The following OSBPL1A variants were observed in gnomAD, a reference collection of about 807,000 sequenced individuals.
The protein encoded by OSBPL1A is oxysterol binding protein like 1A.
OSBPL1A carries 80 observed loss-of-function variants against 137.1 expected under a neutral mutation model. That is an observed-to-expected ratio of 0.58 (90% CI 0.49 to 0.70). The LOEUF is 0.70. Among genes scored for constraint, OSBPL1A ranks in the 30% least tolerant of loss-of-function variants. OSBPL1A has a pLI of 0.00. For synonymous variants in OSBPL1A, 365 were observed against 389.7 expected, an observed-to-expected ratio of 0.94 and a Z score of 0.75; for missense variants, 970 against 1,129.4, an observed-to-expected ratio of 0.86 and a Z score of 2.02.
intron 14 of OSBPL1A, among the ~76,000 whole-genome samples, chr18:24,290,200 C>CATAA (rs552965674): frequency 4.4e-4 from 67 of 152,156 alleles, no homozygotes; most frequent in African/African-American, 1.6e-3. Context: ...AATCACAATC[C>CATAA]ATAAAGACAC....
chr18:24,202,522 C>T (rs1327764820), intron 17 of OSBPL1A, among the ~76,000 whole-genome samples: 1 of 152,156 alleles, frequency 6.6e-6, no homozygotes, highest in African/African-American at 2.4e-5. Flanking sequence ...GATAACTTAT[C>T]CCAAGTCTAA....
At chr18:24,355,032 G>T (rs1457204830) in intron 4 of OSBPL1A, among the ~76,000 whole-genome samples, 1 of 152,092 alleles carries the variant, frequency 6.6e-6, no homozygotes, top group Non-Finnish European at 1.5e-5. Flanking sequence ...GTGAACTCAG[G>T]TCCACAGTGG....
intron 15 of OSBPL1A, among the ~76,000 whole-genome samples, chr18:24,278,354 A>C (rs1427069824): frequency 2.0e-5 from 3 of 152,256 alleles, no homozygotes; most frequent in Admixed American, 1.3e-4. Context: ...AGATACTATC[A>C]GAAAAGAGAG....
intron 2 of OSBPL1A, among the ~76,000 whole-genome samples, chr18:24,374,246 C>T (rs147407258): frequency 3.9e-5 from 6 of 152,298 alleles, no homozygotes; most frequent in African/African-American, 1.2e-4. Context: ...CCTCAGATCA[C>T]AGTTTCTTCC....
intron 21 of OSBPL1A, among the ~76,000 whole-genome samples, chr18:24,174,489 AT>A (rs2086372833): frequency 6.6e-6 from 1 of 152,232 alleles, no homozygotes; most frequent in Non-Finnish European, 1.5e-5. Context: ...TGGATTTGAG[AT>A]GCTAAACCAG....
chr18:24,207,094 A>T (rs578165112), intron 17 of OSBPL1A, among the ~76,000 whole-genome samples: 1 of 152,198 alleles, frequency 6.6e-6, no homozygotes, highest in African/African-American at 2.4e-5. Flanking sequence ...TATGAAGAAC[A>T]CAACAATCAT....
intron 7 of OSBPL1A, among the ~76,000 whole-genome samples, chr18:24,327,111 C>T (rs1011359431): frequency 1.2e-4 from 17 of 136,998 alleles, no homozygotes; most frequent in Non-Finnish European, 1.6e-4. Flanking sequence ...TTTCTTTTTT[C>T]TTTTTTTTTT....
At chr18:24,366,805 T>A in intron 4 of OSBPL1A, 87 bp downstream of exon 4, 1 of 1,317,508 alleles carries the variant, frequency 7.6e-7, no homozygotes, top group Non-Finnish European at 1.0e-6. Flanking sequence ...CTTCGGTTGC[T>A]GGTCAGATGG....
At chr18:24,169,615 C>T (rs908873545) in intron 24 of OSBPL1A, among the ~76,000 whole-genome samples, 3 of 152,196 alleles carry the variant, frequency 2.0e-5, no homozygotes, top group Non-Finnish European at 2.9e-5. Context: ...TGCTCATCAC[C>T]GGTGGGGCTA....
At chr18:24,182,852 C>CA (rs1321869266) in intron 18 of OSBPL1A, among the ~76,000 whole-genome samples, 1 of 151,972 alleles carries the variant, frequency 6.6e-6, no homozygotes, top group Non-Finnish European at 1.5e-5. Context: ...TGAAGTGTCC[C>CA]AGGCTCTCTT....
intron 4 of OSBPL1A, chr18:24,347,531 G>A (rs935341480): frequency 6.6e-6 from 1 of 152,134 alleles, no homozygotes; most frequent in Admixed American, 6.6e-5. Flanking sequence ...GATTAGAAAG[G>A]AGAAATAATT....
chr18:24,306,614 A>G (rs1346145307), intron 13 of OSBPL1A, among the ~76,000 whole-genome samples: 1 of 152,206 alleles, frequency 6.6e-6, no homozygotes, highest in East Asian at 1.9e-4. Flanking sequence ...TTGTCATTAT[A>G]TCAGTGTCAT....
At chr18:24,175,131 TATATACAC>T (rs201329401) in intron 21 of OSBPL1A, among the ~76,000 whole-genome samples, 6 of 124,518 alleles carry the variant, frequency 4.8e-5, no homozygotes, top group Admixed American at 7.8e-5. Flanking sequence ...TATATATATA[TATATACAC>T]ATATATATAT....
intron 19 of OSBPL1A, 53 bp downstream of exon 19, chr18:24,181,092 G>C: frequency 6.3e-7 from 1 of 1,579,232 alleles, no homozygotes; most frequent in Non-Finnish European, 8.6e-7. Context: ...GTTCGGGGCT[G>C]GGTTGGTAGC....
chr18:24,235,543 G>A (rs1166226575), intron 16 of OSBPL1A, among the ~76,000 whole-genome samples: 2 of 152,284 alleles, frequency 1.3e-5, no homozygotes, highest in South Asian at 4.1e-4. Context: ...GCCAGGCCTC[G>A]ATTCTATGTC....
intron 16 of OSBPL1A, among the ~76,000 whole-genome samples, chr18:24,235,590 T>C (rs903390712): frequency 1.3e-5 from 2 of 152,222 alleles, no homozygotes; most frequent in Non-Finnish European, 2.9e-5. Flanking sequence ...AGTTTCTGGC[T>C]TTAGGAGATG....
intron 7 of OSBPL1A, among the ~76,000 whole-genome samples, chr18:24,320,155 T>C (rs1037088354): frequency 4.6e-5 from 7 of 151,944 alleles, no homozygotes; most frequent in African/African-American, 1.7e-4. Flanking sequence ...ACATCTGGTA[T>C]GTGTTGGCAA....
chr18:24,342,748 T>C (rs1046345524), intron 4 of OSBPL1A, among the ~76,000 whole-genome samples: 2 of 152,168 alleles, frequency 1.3e-5, no homozygotes, highest in Non-Finnish European at 1.5e-5. Context: ...ACTAATCAAT[T>C]TCCCTAGGCA....
intron 4 of OSBPL1A, among the ~76,000 whole-genome samples, chr18:24,350,785 A>G (rs1027340334): frequency 6.6e-6 from 1 of 152,170 alleles, no homozygotes; most frequent in African/African-American, 2.4e-5. Flanking sequence ...CCAAACTATC[A>G]CTCAAATACA....
Sources: allele counts gnomAD v4.1 joint callset (sites outside exome capture counted in the v4.1 genomes callset), GRCh38; gene constraint gnomAD v4.1.1; transcripts MANE v1.5; gene names NCBI Gene and HGNC (gene_info 2026-07-23, HGNC 2026-07-21).